The following CNIH3 variants were observed in gnomAD, a reference collection of about 807,000 sequenced individuals.
CNIH3 encodes cornichon family AMPA receptor auxiliary protein 3.
A neutral mutation model predicts 24.1 loss-of-function variants in CNIH3; 14 were observed. That is an observed-to-expected ratio of 0.58 (90% CI 0.38 to 0.91). The LOEUF (loss-of-function observed/expected upper bound fraction) is 0.91. CNIH3 is among the 40% of genes least tolerant of loss of function. The probability of loss-of-function intolerance (pLI) is 0.00; values close to 1 mark genes in which losing one functional copy is unlikely to be tolerated. For missense variants in CNIH3, 178 were observed against 196.8 expected, an observed-to-expected ratio of 0.90 and a Z score of 0.57; for synonymous variants, 68 against 73.8, an observed-to-expected ratio of 0.92 and a Z score of 0.40.
intron 4 of CNIH3, among the ~76,000 whole-genome samples, chr1:224,580,987 T>G (rs1681252291): frequency 6.6e-6 from 1 of 152,192 alleles, no homozygotes. Context: ...GAGGATAGGC[T>G]GTTAATTTAC....
chr1:224,619,213 A>G lies in CNIH3; in HGVS notation c.81+1958A>G, dbSNP rs553414927. Among the ~76,000 whole-genome samples the G allele has an allele frequency of 3.3e-5, 5 of 152,374 alleles. No individual in the cohort carries two copies. The South Asian group carries it at 1.0e-3, about 32-fold the overall frequency. On this transcript the variant is annotated intron_variant, in intron 1 of 5. Coordinates refer to ENST00000272133, the MANE Select transcript of CNIH3 (RefSeq NM_152495.2). Reference sequence around the variant, plus strand: ...GAATCATTTTCTCTCATTCAGGGAAAGATGATTAATAATTCAAGAACAGCT... The same window carrying G: ...GAATCATTTTCTCTCATTCAGGGAAGGATGATTAATAATTCAAGAACAGCT...
At chr1:224,470,387 G>A (rs1002516219) in intron 1 of CNIH3, among the ~76,000 whole-genome samples, 2 of 148,032 alleles carry the variant, frequency 1.4e-5, no homozygotes, top group African/African-American at 2.5e-5. Flanking sequence ...TGGCACGATC[G>A]TAGCTCACTG....
chr1:224,597,174 C>A (rs1435750242), intron 3 of CNIH3, among the ~76,000 whole-genome samples: 96 of 146,966 alleles, frequency 6.5e-4, no homozygotes, highest in Middle Eastern at 3.4e-3. Flanking sequence ...AACAAACAAA[C>A]AAAAAAAAAA....
intron 1 of CNIH3, among the ~76,000 whole-genome samples, chr1:224,494,120 G>A (rs1677341092): frequency 1.3e-5 from 2 of 152,182 alleles, no homozygotes; most frequent in Admixed American, 6.5e-5. Context: ...TATCACAGAT[G>A]TCAGGTCAAA....
At chr1:224,598,193 A>T (rs1471060348) in intron 3 of CNIH3, among the ~76,000 whole-genome samples, 1 of 152,208 alleles carries the variant, frequency 6.6e-6, no homozygotes, top group Non-Finnish European at 1.5e-5. Flanking sequence ...TCCCTCATGG[A>T]TGACTTTGAG....
At position 224,583,913 on chromosome 1, in the gene CNIH3, A is replaced by G. The variant is rs368529938; in HGVS notation, n.620+646A>G. Among the ~76,000 whole-genome samples the G allele has an allele frequency of 1.1e-4, 17 of 152,338 alleles. No homozygotes were observed. The East Asian group carries it at 3.1e-3, about 28-fold the overall frequency. On this transcript the variant is annotated intron_variant and non_coding_transcript_variant, in intron 5 of 5. Transcript: ENST00000471578. Reference sequence around the variant, plus strand: ...ACAAGAATAAGCAAGACATGAATTGATATTAGACCAGTCGCTGCTCCAATG... The same window carrying G: ...ACAAGAATAAGCAAGACATGAATTGGTATTAGACCAGTCGCTGCTCCAATG...
chr1:224,662,713 C>T (rs550546787), intron 1 of CNIH3, among the ~76,000 whole-genome samples: 1 of 152,156 alleles, frequency 6.6e-6, no homozygotes, highest in East Asian at 1.9e-4. Context: ...AATTTGGTAC[C>T]ATGTAAAGAC....
At position 224,546,843 on chromosome 1, in the gene CNIH3, C is replaced by T. The variant is rs1679722153; in HGVS notation, n.354C>T. ...TTGTCCTCCAGTGATCCTCATGGAA[C>T]ACCTTTCCTGAAGAGATGATGATGG... is the stretch of plus-strand genomic sequence containing the variant. On this transcript the variant is annotated non_coding_transcript_exon_variant, in exon 3 of 6. Coordinates refer to the CNIH3 transcript ENST00000471578. 4.1e-6 allele frequency: 4 copies of T among 968,168 alleles called. No individual in the cohort carries two copies. In the African/African-American group the frequency reaches 5.3e-5, roughly 13 times the overall value. 60.0% of individuals were successfully genotyped at this position (968,168 alleles called of 1,614,324 possible).
intron 1 of CNIH3, among the ~76,000 whole-genome samples, chr1:224,637,513 G>C (rs1049614497): frequency 6.6e-6 from 1 of 152,140 alleles, no homozygotes; most frequent in African/African-American, 2.4e-5. Flanking sequence ...AACATAGCAA[G>C]ATGAAGATCG....
At chr1:224,662,943 C>T (rs1685432121) in intron 1 of CNIH3, among the ~76,000 whole-genome samples, 1 of 152,082 alleles carries the variant, frequency 6.6e-6, no homozygotes. Context: ...CTAAACCTCC[C>T]CAGACTCCAA....
At chr1:224,679,264 T>G (rs2043612) in intron 1 of CNIH3, among the ~76,000 whole-genome samples, 1 of 152,016 alleles carries the variant, frequency 6.6e-6, no homozygotes, top group Admixed American at 6.5e-5. Context: ...TGCTTGAGCC[T>G]GGGAGATGGA....
rs574284687 is a variant in CNIH3 at position 224,695,456 on chromosome 1, G to A, written c.198+10613G>A. On this transcript the variant is annotated intron_variant, in intron 3 of 5. Transcript: ENST00000272133. ...AATGCAGTCCCCTCAATTCTGGTAA[G>A]TTCAGGTTCAGCAGGTTTACAGAGA... is the stretch of plus-strand genomic sequence containing the variant. Among the ~76,000 whole-genome samples, 12 of 152,126 alleles carry A rather than the reference G, an allele frequency of 7.9e-5. No individual in the cohort carries two copies. The East Asian group carries it at 2.3e-3, about 29-fold the overall frequency.
intron 3 of CNIH3, among the ~76,000 whole-genome samples, chr1:224,708,801 G>A (rs1368943380): frequency 1.3e-5 from 2 of 151,986 alleles, no homozygotes; most frequent in Non-Finnish European, 2.9e-5. Flanking sequence ...GTGTTCATGC[G>A]CCTTCTGCCC....
intron 3 of CNIH3, among the ~76,000 whole-genome samples, chr1:224,724,129 C>T (rs1031007368): frequency 7.2e-5 from 11 of 152,166 alleles, no homozygotes; most frequent in African/African-American, 2.7e-4. Context: ...TGTAGCAGAG[C>T]CTTTGTCTTA....
intron 1 of CNIH3, among the ~76,000 whole-genome samples, chr1:224,517,185 G>A (rs192128455): frequency 5.4e-4 from 82 of 152,242 alleles, no homozygotes; most frequent in African/African-American, 1.7e-3. Flanking sequence ...GGTTGGCGGC[G>A]GTGGTGGGAT....
intron 1 of CNIH3, among the ~76,000 whole-genome samples, chr1:224,446,663 T>G (rs1675178563): frequency 6.6e-6 from 1 of 152,246 alleles, no homozygotes; most frequent in Non-Finnish European, 1.5e-5. Context: ...TTTAAAAGTC[T>G]ACTGTTAAAA....
chr1:224,522,504 C>T (rs572762493), intron 2 of CNIH3, among the ~76,000 whole-genome samples: 5 of 152,194 alleles, frequency 3.3e-5, no homozygotes, highest in African/African-American at 1.2e-4. Flanking sequence ...GGTATTGCAG[C>T]GTGTCTAACT....
intron 3 of CNIH3, among the ~76,000 whole-genome samples, chr1:224,706,438 G>A (rs182827043): frequency 1.3e-5 from 2 of 152,282 alleles, no homozygotes; most frequent in East Asian, 3.9e-4. Context: ...TAGAGCACAT[G>A]TACCCTCTCC....
chr1:224,539,037 G>A (rs1412892938), downstream of CNIH3, among the ~76,000 whole-genome samples: 1 of 151,792 alleles, frequency 6.6e-6, no homozygotes, highest in African/African-American at 2.4e-5. Flanking sequence ...CAGATTCTCT[G>A]TCTGAGGGGG....
Sources: gnomAD v4.1 joint callset for allele counts (sites outside exome capture counted in the v4.1 genomes callset) on GRCh38, gnomAD v4.1.1 for gene constraint, MANE v1.5 for transcripts, NCBI Gene and HGNC (gene_info 2026-07-23, HGNC 2026-07-21) for gene names.